The following EIF4G3 variants were observed in gnomAD, a reference collection of about 807,000 sequenced individuals.
EIF4G3 encodes the protein eukaryotic translation initiation factor 4 gamma 3, also known as eIF-4-gamma 3.
In EIF4G3, 34 loss-of-function variants were observed where a neutral mutation model predicts 186.4. The observed-to-expected ratio is 0.18, with a 90% confidence interval of 0.14 to 0.24. The LOEUF (loss-of-function observed/expected upper bound fraction) is 0.24, where lower values mean the gene tolerates loss of function less well. Ranked by LOEUF, EIF4G3 falls within the 10% of genes least tolerant of loss-of-function variation. EIF4G3 has a pLI of 1.00. For synonymous variants in EIF4G3, 673 were observed against 679.5 expected (o/e 0.99, Z 0.15); for missense variants, 1,536 against 1,948.5 (o/e 0.79, Z 3.99).
intron 13 of EIF4G3, 86 bp downstream of exon 13, chr1:20,949,917 G>T: frequency 8.9e-7 from 1 of 1,125,162 alleles, no homozygotes; most frequent in Non-Finnish European, 1.3e-6. Context: ...CTTGGATGCT[G>T]TACTCTTACT....
intron 25 of EIF4G3, 40 bp downstream of exon 25, chr1:20,857,363 C>G (rs1008092459): frequency 6.7e-7 from 1 of 1,494,372 alleles, no homozygotes; most frequent in Admixed American, 1.7e-5. Flanking sequence ...TCAAAGGCAT[C>G]AAAGGAGAGC....
chr1:21,144,387 A>G (rs2097398391), intron 2 of EIF4G3, among the ~76,000 whole-genome samples: 1 of 151,808 alleles, frequency 6.6e-6, no homozygotes. Flanking sequence ...TTGAGCAGCT[A>G]GGACTATAAA....
chr1:21,105,514 C>A lies in EIF4G3; in HGVS notation c.-271-16301G>T, dbSNP rs567055254. On this transcript the variant is annotated intron_variant, in intron 2 of 36. Coordinates refer to ENST00000602326, the MANE Select transcript of EIF4G3 (RefSeq NM_001391906.1). ...CTATATAAACAAACCTGCATATATA[C>A]CCCTGAACCTAAAATATGTTTTTTT... 3.9e-4 allele frequency among the ~76,000 whole-genome samples: 56 copies of A among 143,342 alleles called. No individual in the cohort carries two copies. The South Asian group carries it at 0.012, about 31-fold the overall frequency. 94.0% of individuals were successfully genotyped at this position (143,342 alleles called of 152,430 possible).
At chr1:20,853,784 A>G in intron 26 of EIF4G3, 107 bp from the exon 27 acceptor site, 1 of 770,610 alleles carries the variant, frequency 1.3e-6, no homozygotes, top group Non-Finnish European at 2.2e-6. Context: ...ATTCCTAACA[A>G]GCTTAGGTGA....
At chr1:21,013,464 A>G (rs576343368) in intron 4 of EIF4G3, among the ~76,000 whole-genome samples, 1 of 152,264 alleles carries the variant, frequency 6.6e-6, no homozygotes, top group South Asian at 2.1e-4. Flanking sequence ...GACAGAAGGA[A>G]AAGAGTGGAA....
In EIF4G3 at chr1:20,980,339, G is replaced by T; in HGVS notation, c.488C>A (p.Ala163Asp). 1 of 1,547,078 alleles carries T rather than the reference G, an allele frequency of 6.5e-7. No individual in the cohort carries two copies. The highest frequency in any genetic ancestry group is 8.6e-7 in the Non-Finnish European group (1 of 1,156,332). ...PGPGPGDFPN[A>D]YGTPFYPSQP... ...TCTTGACTTTTCCTACTTACCATAA[G>T]CATTGGGGAAGTCCCCAGGTCCTGG... The change falls in exon 10 of 37, where the codon GCT (alanine) becomes GAT (aspartate). Residue 163 changes from alanine (A) to aspartate (D), a missense_variant. Transcript: ENST00000602326.
intron 2 of EIF4G3, among the ~76,000 whole-genome samples, chr1:21,114,886 A>G (rs748542872): frequency 3.2e-4 from 48 of 152,192 alleles, no homozygotes; most frequent in Non-Finnish European, 6.5e-4. Flanking sequence ...CAATTGTGCA[A>G]GTCACTTTGC....
intron 2 of EIF4G3, among the ~76,000 whole-genome samples, chr1:21,094,146 A>C (rs2096285687): frequency 6.6e-6 from 1 of 151,682 alleles, no homozygotes; most frequent in African/African-American, 2.4e-5. Context: ...GGATTTCCTT[A>C]GGAACACTTT....
chr1:21,109,121 C>T (rs1024003810), intron 2 of EIF4G3, among the ~76,000 whole-genome samples: 16 of 151,804 alleles, frequency 1.1e-4, no homozygotes, highest in Admixed American at 3.3e-4. Context: ...AGTAGGCTGA[C>T]GCACAACAAT....
At chr1:21,068,095 G>C (rs551585777) in intron 3 of EIF4G3, among the ~76,000 whole-genome samples, 2 of 151,540 alleles carry the variant, frequency 1.3e-5, no homozygotes, top group Admixed American at 1.3e-4. Flanking sequence ...AGAAGGGTCC[G>C]GGCACAGTGG....
chr1:21,025,532 A>G (rs928282925), intron 4 of EIF4G3, among the ~76,000 whole-genome samples: 8 of 152,180 alleles, frequency 5.3e-5, no homozygotes, highest in African/African-American at 1.9e-4. Context: ...AGGGGAAGAA[A>G]GCTGCTTCTC....
intron 18 of EIF4G3, 85 bp downstream of exon 18, chr1:20,893,432 A>C: frequency 7.2e-7 from 1 of 1,386,192 alleles, no homozygotes; most frequent in East Asian, 2.4e-5. Flanking sequence ...TCAACGAATA[A>C]AAGCTGCTGT....
rs562457860 is a variant in EIF4G3, at chr1:20,905,761, C to T, written c.1664-790G>A. Among the ~76,000 whole-genome samples, 20 of 152,168 alleles carry T rather than the reference C, an allele frequency of 1.3e-4. No homozygotes were observed. The East Asian group carries it at 2.7e-3, about 21-fold the overall frequency. ...ATTAAACTGCTTCTACAGAGGGCAA[C>T]TTATGAATCAATAGACAAGAGTGAG... On this transcript the variant is annotated intron_variant, in intron 14 of 36. Coordinates refer to ENST00000602326, the MANE Select transcript of EIF4G3 (RefSeq NM_001391906.1).
intron 11 of EIF4G3, among the ~76,000 whole-genome samples, chr1:20,969,960 A>G (rs1301540371): frequency 1.3e-5 from 2 of 151,984 alleles, no homozygotes; most frequent in East Asian, 3.9e-4. Context: ...GCATAGATAA[A>G]AGTTCCTTTT....
intron 3 of EIF4G3, among the ~76,000 whole-genome samples, chr1:21,052,644 T>G (rs1044958898): frequency 2.6e-5 from 4 of 152,004 alleles, no homozygotes; most frequent in African/African-American, 7.2e-5. Flanking sequence ...AAAGCTGGAC[T>G]GTACTGCTGC....
At chr1:21,024,174 G>A (rs1557579916) in intron 4 of EIF4G3, among the ~76,000 whole-genome samples, 2 of 151,158 alleles carry the variant, frequency 1.3e-5, no homozygotes, top group African/African-American at 2.4e-5. Flanking sequence ...GGTGGGGGGG[G>A]GTCAGCCCCC....
intron 13 of EIF4G3, among the ~76,000 whole-genome samples, chr1:20,945,288 G>T (rs1318172041): frequency 6.6e-6 from 1 of 151,634 alleles, no homozygotes; most frequent in Non-Finnish European, 1.5e-5. Context: ...GAATATTTAA[G>T]GCAACACTAT....
intron 2 of EIF4G3, among the ~76,000 whole-genome samples, chr1:21,103,099 C>T (rs1367729232): frequency 6.6e-6 from 1 of 152,186 alleles, no homozygotes; most frequent in Non-Finnish European, 1.5e-5. Flanking sequence ...CAATGTCTCA[C>T]TAAAGCTCCT....
At chr1:20,857,382 T>C (rs759100874) in intron 25 of EIF4G3, 21 bp downstream of exon 25, 8 of 1,588,432 alleles carry the variant, frequency 5.0e-6, no homozygotes, top group Non-Finnish European at 6.1e-6. Context: ...GCGTAAATTG[T>C]ACTTTAAATG....
Sources: allele counts gnomAD v4.1 joint callset (sites outside exome capture counted in the v4.1 genomes callset), GRCh38; gene constraint gnomAD v4.1.1; transcripts MANE v1.5; gene names NCBI Gene and HGNC (gene_info 2026-07-23, HGNC 2026-07-21).